The following TRPC6 variants were observed in gnomAD, a reference collection of about 807,000 sequenced individuals.
TRPC6 encodes short transient receptor potential channel 6.
TRPC6 carries 55 observed loss-of-function variants against 90.7 expected under a neutral mutation model. That is an observed-to-expected ratio of 0.61 (90% CI 0.49 to 0.76). TRPC6 has a LOEUF of 0.76. Ranked by LOEUF, TRPC6 falls within the 30% of genes least tolerant of loss-of-function variation. TRPC6 has a pLI of 0.00. For synonymous variants in TRPC6, 393 were observed against 393.0 expected, an observed-to-expected ratio of 1.00 and a Z score of 0.00; for missense variants, 989 against 1,122.7, an observed-to-expected ratio of 0.88 and a Z score of 1.70.
intron 4 of TRPC6, among the ~76,000 whole-genome samples, chr11:101,485,801 G>A (rs1309624672): frequency 1.3e-5 from 2 of 152,034 alleles, no homozygotes; most frequent in African/African-American, 4.8e-5. Context: ...AAATGGAGTT[G>A]AAATAAAGCT....
intron 2 of TRPC6, among the ~76,000 whole-genome samples, chr11:101,493,511 T>C (rs1859876637): frequency 6.6e-6 from 1 of 152,216 alleles, no homozygotes; most frequent in Non-Finnish European, 1.5e-5. Context: ...TAAACCTAAA[T>C]CTGCTTGGCC....
chr11:101,542,273 G>C (rs909725713), intron 1 of TRPC6, among the ~76,000 whole-genome samples: 2 of 152,078 alleles, frequency 1.3e-5, no homozygotes, highest in Non-Finnish European at 2.9e-5. Flanking sequence ...ATGAATACCA[G>C]GATCAATTAT....
intron 1 of TRPC6, among the ~76,000 whole-genome samples, chr11:101,529,396 T>G (rs1860857113): frequency 1.3e-5 from 2 of 152,248 alleles, no homozygotes; most frequent in Non-Finnish European, 2.9e-5. Flanking sequence ...ATGCTGCTGC[T>G]TCATAAAAAG....
At chr11:101,458,859 CTGAG>C (rs1483309635) in intron 10 of TRPC6, among the ~76,000 whole-genome samples, 4 of 152,212 alleles carry the variant, frequency 2.6e-5, no homozygotes, top group Admixed American at 6.5e-5. Flanking sequence ...GAGAGAAGAC[CTGAG>C]TGAATCAGAA....
intron 1 of TRPC6, among the ~76,000 whole-genome samples, chr11:101,511,356 T>C (rs1226481428): frequency 2.6e-5 from 4 of 152,132 alleles, no homozygotes; most frequent in Non-Finnish European, 5.9e-5. Flanking sequence ...GATTTTGCCT[T>C]ATTCACACTG....
intron 1 of TRPC6, among the ~76,000 whole-genome samples, chr11:101,516,040 G>A (rs1591103524): frequency 6.6e-6 from 1 of 150,742 alleles, no homozygotes; most frequent in Non-Finnish European, 1.5e-5. Context: ...TCCTGAACAG[G>A]CATGGCATAT....
At chr11:101,476,591 A>G in intron 5 of TRPC6, 57 bp from the exon 6 acceptor site, 1 of 1,472,946 alleles carries the variant, frequency 6.8e-7, no homozygotes, top group Non-Finnish European at 9.5e-7. Context: ...TAGCTGTTCT[A>G]TAAAACAAAA....
At chr11:101,459,869 A>G (rs909986155) in intron 10 of TRPC6, among the ~76,000 whole-genome samples, 4 of 152,194 alleles carry the variant, frequency 2.6e-5, no homozygotes, top group African/African-American at 9.7e-5. Context: ...ATATGAGTAT[A>G]TTACATTTGC....
intron 2 of TRPC6, among the ~76,000 whole-genome samples, chr11:101,498,907 A>G (rs1176962356): frequency 7.6e-6 from 1 of 131,656 alleles, no homozygotes; most frequent in East Asian, 2.0e-4. Context: ...CAGCTACTAT[A>G]AACCCTGAAG....
intron 1 of TRPC6, among the ~76,000 whole-genome samples, chr11:101,566,364 T>C (rs1469647268): frequency 6.6e-6 from 1 of 152,218 alleles, no homozygotes; most frequent in Non-Finnish European, 1.5e-5. Context: ...TCAGGAAGTT[T>C]AGTTTTCACA....
chr11:101,548,346 T>TATAC (rs1814801776), intron 1 of TRPC6, among the ~76,000 whole-genome samples: 1 of 101,096 alleles, frequency 9.9e-6, no homozygotes, highest in Admixed American at 1.2e-4. Context: ...ATACAATATA[T>TATAC]AATTATATAA....
At chr11:101,493,752 G>C (rs1859881650) in intron 2 of TRPC6, among the ~76,000 whole-genome samples, 1 of 152,092 alleles carries the variant, frequency 6.6e-6, no homozygotes, top group South Asian at 2.1e-4. Context: ...GTGTGTTGTA[G>C]GATGAAAAGA....
intron 1 of TRPC6, among the ~76,000 whole-genome samples, chr11:101,525,120 A>G (rs942151073): frequency 2.7e-5 from 4 of 150,828 alleles, no homozygotes; most frequent in African/African-American, 1.0e-4. Flanking sequence ...AAACAATTAA[A>G]CAAAATGAAA....
chr11:101,482,921 G>A, intron 5 of TRPC6, 28 bp downstream of exon 5: 1 of 1,611,124 alleles, frequency 6.2e-7, no homozygotes, highest in Non-Finnish European at 8.5e-7. Context: ...ACTGCAAACA[G>A]AAAACATGAC....
rs1565221792 is a variant in TRPC6, at chr11:101,504,767, G to GCCGGTGAGCCAGTCTGTTGTCAGAT, written c.177_201dup (p.Arg68IlefsTer2). 1 of 1,607,932 alleles carries GCCGGTGAGCCAGTCTGTTGTCAGAT rather than the reference G, an allele frequency of 6.2e-7. No individual in the cohort carries two copies. The highest frequency in any genetic ancestry group is 1.1e-5 in the South Asian group (1 of 90,226). ...CCCTTCTCACGGAGAACTGTCTGCC[G>GCCGGTGAGCCAGTCTGTTGTCAGAT]CCGGTGAGCCAGTCTGTTGTCAGAT... On this transcript the variant is annotated stop_gained and frameshift_variant, in exon 2 of 13. Coordinates refer to ENST00000344327, the MANE Select transcript of TRPC6 (RefSeq NM_004621.6). LOFTEE classifies it high-confidence loss of function.
chr11:101,459,255 G>A (rs1400651310), intron 10 of TRPC6, among the ~76,000 whole-genome samples: 1 of 152,184 alleles, frequency 6.6e-6, no homozygotes, highest in Non-Finnish European at 1.5e-5. Flanking sequence ...AGTGGAACGG[G>A]AGAAGGCGGA....
intron 1 of TRPC6, among the ~76,000 whole-genome samples, chr11:101,506,307 G>C (rs1037277674): frequency 9.5e-5 from 14 of 147,964 alleles, no homozygotes; most frequent in African/African-American, 3.7e-4. Flanking sequence ...AAAGATCCAA[G>C]GGCCTCATAA....
intron 3 of TRPC6, among the ~76,000 whole-genome samples, chr11:101,490,849 G>C (rs2136705791): frequency 6.6e-6 from 1 of 152,326 alleles, no homozygotes; most frequent in African/African-American, 2.4e-5. Flanking sequence ...CAATAAAAAT[G>C]CAGCTGGTGG....
At chr11:101,554,090 T>G (rs1861508934) in intron 1 of TRPC6, among the ~76,000 whole-genome samples, 2 of 152,120 alleles carry the variant, frequency 1.3e-5, no homozygotes, top group African/African-American at 4.8e-5. Context: ...GCCGGTGACT[T>G]TTAAAGAACA....
Sources: gnomAD v4.1 joint callset for allele counts (sites outside exome capture counted in the v4.1 genomes callset) on GRCh38, gnomAD v4.1.1 for gene constraint, MANE v1.5 for transcripts, NCBI Gene and HGNC (gene_info 2026-07-23, HGNC 2026-07-21) for gene names.